The following TBC1D14 variants were observed in gnomAD, a reference collection of about 807,000 sequenced individuals.
The protein encoded by TBC1D14 is TBC1 domain family member 14, also known as TBC1 domain family, member 14.
A neutral mutation model predicts 79.0 loss-of-function variants in TBC1D14; 26 were observed. The observed-to-expected ratio is 0.33, with a 90% CI of 0.24 to 0.46. TBC1D14 has a LOEUF of 0.46. Among genes scored for constraint, TBC1D14 ranks in the 20% least tolerant of loss-of-function variants. The probability of loss-of-function intolerance (pLI) is 1.00; values close to 1 mark genes in which losing one functional copy is unlikely to be tolerated. For missense variants in TBC1D14, 769 were observed against 887.6 expected (o/e 0.87, Z 1.70); for synonymous variants, 394 against 349.9 (o/e 1.13, Z -1.40).
chr4:6,968,868 G>A (rs910041076), intron 3 of TBC1D14, among the ~76,000 whole-genome samples: 1 of 152,236 alleles, frequency 6.6e-6, no homozygotes, highest in Non-Finnish European at 1.5e-5. Context: ...GAGAAAGTGG[G>A]GTCTGGCCCA....
chr4:6,938,173 C>T (rs1220620441), intron 2 of TBC1D14, among the ~76,000 whole-genome samples: 2 of 152,122 alleles, frequency 1.3e-5, no homozygotes, highest in African/African-American at 2.4e-5. Flanking sequence ...TGAACAGCAC[C>T]CCATCCTCAG....
At chr4:6,925,658 C>T (rs1577467553) in intron 2 of TBC1D14, among the ~76,000 whole-genome samples, 1 of 152,140 alleles carries the variant, frequency 6.6e-6, no homozygotes, top group East Asian at 1.9e-4. Flanking sequence ...GAGCACAGTT[C>T]CTGGTCTCAG....
intron 2 of TBC1D14, among the ~76,000 whole-genome samples, chr4:6,959,660 G>T (rs1443593490): frequency 1.3e-5 from 2 of 152,222 alleles, no homozygotes; most frequent in Non-Finnish European, 2.9e-5. Flanking sequence ...CATTTTTGAG[G>T]CATAGTAGGC....
At chr4:6,941,643 C>G (rs377007439) in intron 2 of TBC1D14, among the ~76,000 whole-genome samples, 1 of 48,752 alleles carries the variant, frequency 2.1e-5, no homozygotes, top group South Asian at 1.3e-3. Context: ...CACATCTGTT[C>G]CTGTGACTTG....
intron 6 of TBC1D14, among the ~76,000 whole-genome samples, chr4:6,999,517 G>T (rs1216053526): frequency 3.3e-5 from 5 of 152,076 alleles, no homozygotes; most frequent in Non-Finnish European, 7.4e-5. Flanking sequence ...TGAACCCTTA[G>T]CAGGCAACAC....
intron 1 of TBC1D14, among the ~76,000 whole-genome samples, chr4:6,922,966 C>T (rs1412677521): frequency 6.6e-6 from 1 of 152,114 alleles, no homozygotes; most frequent in East Asian, 1.9e-4. Context: ...TTTGGGAGGC[C>T]GAGGTGGGTG....
At chr4:6,969,844 G>A (rs926417191) in intron 3 of TBC1D14, among the ~76,000 whole-genome samples, 2 of 151,904 alleles carry the variant, frequency 1.3e-5, no homozygotes, top group African/African-American at 4.8e-5. Context: ...ATCTGCTTCC[G>A]TCGTCAATAA....
At chr4:6,913,325 T>C (rs1476789994) in intron 1 of TBC1D14, among the ~76,000 whole-genome samples, 1 of 152,222 alleles carries the variant, frequency 6.6e-6, no homozygotes, top group Non-Finnish European at 1.5e-5. Flanking sequence ...ATTTGCAGCC[T>C]AACAAACATA....
intron 3 of TBC1D14, among the ~76,000 whole-genome samples, chr4:6,991,622 G>T (rs1718497359): frequency 6.6e-6 from 1 of 152,214 alleles, no homozygotes; most frequent in Non-Finnish European, 1.5e-5. Flanking sequence ...TTGCGCTGGT[G>T]AGGTACAGCG....
chr4:6,935,073 G>A (rs1308298935), intron 2 of TBC1D14, among the ~76,000 whole-genome samples: 2 of 152,202 alleles, frequency 1.3e-5, no homozygotes, highest in Admixed American at 1.3e-4. Flanking sequence ...CCACTGCAGT[G>A]ATCGCGCCAC....
At chr4:6,925,908 C>T (rs937429156) in intron 2 of TBC1D14, among the ~76,000 whole-genome samples, 34 of 152,238 alleles carry the variant, frequency 2.2e-4, no homozygotes, top group South Asian at 2.1e-4. Flanking sequence ...AGAAGCTCAG[C>T]GAGAAGGGCC....
At chr4:6,987,085 C>A (rs1455214696) in intron 3 of TBC1D14, 2 of 1,000,748 alleles carry the variant, frequency 2.0e-6, no homozygotes, top group Non-Finnish European at 2.5e-6. Flanking sequence ...CCAGCCCCGC[C>A]CCTTGTGCCC....
chr4:6,978,214 C>T (rs1431375166), intron 3 of TBC1D14, among the ~76,000 whole-genome samples: 32 of 151,770 alleles, frequency 2.1e-4, no homozygotes, highest in African/African-American at 7.0e-4. Flanking sequence ...GCCCCTCTGC[C>T]CGGCCACCAC....
intron 3 of TBC1D14, chr4:6,987,016 C>G: frequency 2.6e-6 from 1 of 391,748 alleles, no homozygotes; most frequent in Non-Finnish European, 4.1e-6. Flanking sequence ...GCTGGCTCTC[C>G]GCCTGTCGGC....
At position 7,032,251 on chromosome 4, in the gene TBC1D14, C is replaced by T. The variant is rs1723128002; in HGVS notation, c.*1859C>T. The T allele has an allele frequency of 6.5e-6, 1 of 152,746 alleles. No individual in the cohort carries two copies. Among genetic ancestry groups the T allele is most frequent in the Non-Finnish European group, 1.5e-5 (1 of 68,092 alleles). The allele number at this position is 152,746 out of a possible 1,614,324, so 9.5% of individuals were successfully genotyped here. ...GAGCTGGGCCTGTGGGAGGGGCCGC[C>T]TGAGGCCTGTGCGCTGTTGTCCTCG... is the stretch of plus-strand genomic sequence containing the variant. On this transcript the variant is annotated 3_prime_UTR_variant, in exon 14 of 14. Transcript: ENST00000409757.
intron 2 of TBC1D14, among the ~76,000 whole-genome samples, chr4:6,957,500 C>T (rs1047116654): frequency 2.2e-4 from 33 of 152,190 alleles, no homozygotes; most frequent in Non-Finnish European, 4.0e-4. Context: ...GTTCTGAAGC[C>T]GGGGGCACAC....
Position 6,937,388 on chromosome 4 carries a change from G to A in TBC1D14, c.722+13277G>A, listed in dbSNP as rs374663689. ...TAAGGGCACTAATCCCACTGGGGAG[G>A]GCTCCACCCTCATGACCTAGTCACC... On this transcript the variant is annotated intron_variant, in intron 2 of 13. Coordinates refer to ENST00000409757, the MANE Select transcript of TBC1D14 (RefSeq NM_020773.3). Among the ~76,000 whole-genome samples the A allele has an allele frequency of 5.3e-5, 8 of 152,224 alleles. No homozygotes were observed. In the East Asian group the frequency reaches 1.5e-3, roughly 29 times the overall value.
chr4:6,928,081 A>G (rs1380785569), intron 2 of TBC1D14, among the ~76,000 whole-genome samples: 5 of 152,214 alleles, frequency 3.3e-5, no homozygotes, highest in Non-Finnish European at 7.3e-5. Flanking sequence ...GAAGTTGAGA[A>G]TTAGATTTGA....
chr4:6,989,204 G>A (rs1020094082), intron 3 of TBC1D14, among the ~76,000 whole-genome samples: 3 of 152,096 alleles, frequency 2.0e-5, no homozygotes, highest in Admixed American at 2.0e-4. Context: ...CAGATCACAC[G>A]TGGAATGTAG....
Sources: allele counts gnomAD v4.1 joint callset (sites outside exome capture counted in the v4.1 genomes callset), GRCh38; gene constraint gnomAD v4.1.1; transcripts MANE v1.5; gene names NCBI Gene and HGNC (gene_info 2026-07-23, HGNC 2026-07-21).